Variants in FCHO2 observed in about 807,000 individuals in gnomAD.
FCHO2 encodes FCH and mu domain containing endocytic adaptor 2, also known as F-BAR domain only protein 2.
Under a neutral mutation model 114.1 loss-of-function variants are expected in FCHO2, and 43 were observed. The observed-to-expected ratio is 0.38, with a 90% CI of 0.30 to 0.49. FCHO2 has a LOEUF of 0.49. Among genes scored for constraint, FCHO2 ranks in the 20% least tolerant of loss-of-function variants. The pLI is 0.97. For synonymous variants in FCHO2, 293 were observed against 315.2 expected (o/e 0.93, Z 0.75); for missense variants, 807 against 950.4 (o/e 0.85, Z 1.98).
chr5:72,972,497 CTGTT>C (rs997523439), intron 2 of FCHO2, among the ~76,000 whole-genome samples: 221 of 152,242 alleles, frequency 1.5e-3, no homozygotes, highest in African/African-American at 5.0e-3. Context: ...ATTTGGCTCT[CTGTT>C]TGTCTGTTGT....
intron 2 of FCHO2, among the ~76,000 whole-genome samples, chr5:72,971,390 A>G (rs1407199147): frequency 1.3e-5 from 2 of 152,106 alleles, no homozygotes; most frequent in African/African-American, 2.4e-5. Context: ...AATGATTGCC[A>G]TTCTAACTGG....
chr5:73,019,203 G>C (rs1755475263), intron 8 of FCHO2, among the ~76,000 whole-genome samples: 1 of 152,164 alleles, frequency 6.6e-6, no homozygotes, highest in Non-Finnish European at 1.5e-5. Flanking sequence ...CATGTATTAG[G>C]AGCTGACTAT....
intron 5 of FCHO2, among the ~76,000 whole-genome samples, chr5:72,992,390 C>T (rs562544655): frequency 9.9e-5 from 15 of 152,126 alleles, no homozygotes; most frequent in Non-Finnish European, 2.2e-4. Context: ...AACGAAATAA[C>T]AGGGTCCAAA....
chr5:72,983,547 C>CTT lies in FCHO2; in HGVS notation c.126-5859_126-5858dup, dbSNP rs35592345. Among the ~76,000 whole-genome samples, 111 of 112,862 alleles carry CTT rather than the reference C, an allele frequency of 9.8e-4. 1 individual carries two copies. Among genetic ancestry groups the CTT allele is most frequent in the Non-Finnish European group, 1.4e-3 (77 of 54,034 alleles). The allele number at this position is 112,862 out of a possible 152,430, so 74.0% of individuals were successfully genotyped here. On this transcript the variant is annotated intron_variant, in intron 2 of 25. Transcript: ENST00000430046. The stretch of plus-strand genomic sequence containing the variant: ...CCCAGTGTCTTTCAAAGTGACAATA[C>CTT]TTTTTTTTTTTTTTTTTTTTTTGGA...
chr5:73,045,123 T>G (rs1374656440), intron 11 of FCHO2, among the ~76,000 whole-genome samples: 4 of 152,232 alleles, frequency 2.6e-5, no homozygotes, highest in Non-Finnish European at 5.9e-5. Context: ...TGTTACCCCT[T>G]CTTCCTGACA....
chr5:73,054,379 CTA>C lies in FCHO2; in HGVS notation c.1186-142_1186-141del, dbSNP rs1322564827. Reference sequence around the variant, plus strand: ...TAAAACAAAAACTACTGTTTTTTCTCTATATCTTTTATGTAAATACACTTTAC... The same window carrying C: ...TAAAACAAAAACTACTGTTTTTTCTCTATCTTTTATGTAAATACACTTTAC... On this transcript the variant is annotated intron_variant, in intron 14 of 25. Transcript: ENST00000430046. 1.4e-5 allele frequency: 12 copies of C among 848,210 alleles called. No homozygotes were observed. The African/African-American group carries it at 1.7e-4, about 12-fold the overall frequency. 52.5% of individuals were successfully genotyped at this position (848,210 alleles called of 1,614,324 possible). A position where few individuals can be genotyped will look rare whatever the true frequency, so the allele number is the denominator to read the frequency against.
At chr5:72,980,534 T>G (rs1753146811) in intron 2 of FCHO2, among the ~76,000 whole-genome samples, 1 of 152,194 alleles carries the variant, frequency 6.6e-6, no homozygotes, top group Non-Finnish European at 1.5e-5. Context: ...CTGTCTAATA[T>G]TGACAGCGGG....
intron 5 of FCHO2, among the ~76,000 whole-genome samples, chr5:73,002,280 C>T (rs1470182083): frequency 1.3e-5 from 2 of 152,156 alleles, no homozygotes; most frequent in East Asian, 3.8e-4. Flanking sequence ...ATTCTAGAGA[C>T]TACGTGAGTA....
chr5:72,973,039 C>G (rs1343825629), intron 2 of FCHO2, among the ~76,000 whole-genome samples: 1 of 152,096 alleles, frequency 6.6e-6, no homozygotes, highest in African/African-American at 2.4e-5. Flanking sequence ...GCCTTGCATC[C>G]CAGGGATGAA....
At chr5:72,987,984 G>T (rs541710830) in intron 2 of FCHO2, among the ~76,000 whole-genome samples, 62 of 152,272 alleles carry the variant, frequency 4.1e-4, no homozygotes, top group African/African-American at 1.5e-3. Context: ...CAGTGCAAGA[G>T]TAGTGTGAAG....
chr5:73,032,153 C>T (rs1489467655), intron 8 of FCHO2, among the ~76,000 whole-genome samples: 3 of 152,152 alleles, frequency 2.0e-5, no homozygotes, highest in Non-Finnish European at 4.4e-5. Context: ...GAGCCAGGCA[C>T]GCAAAGCCTT....
At chr5:73,010,044 G>T (rs1463443458) in intron 6 of FCHO2, among the ~76,000 whole-genome samples, 1 of 152,138 alleles carries the variant, frequency 6.6e-6, no homozygotes, top group Non-Finnish European at 1.5e-5. Flanking sequence ...ATAGAGAATA[G>T]ACTTTAATTT....
In FCHO2 at chr5:73,012,334, T is replaced by G. The variant is rs142786490; in HGVS notation, c.601-3292T>G. ...TCATGACTATACTTTTAAAAATTAA[T>G]GTAACAGGCTGGGTTTGGTGGCTCA... On this transcript the variant is annotated intron_variant, in intron 6 of 25. Coordinates refer to ENST00000430046, the MANE Select transcript of FCHO2 (RefSeq NM_138782.3). Among the ~76,000 whole-genome samples, 1,244 of 152,162 alleles carry G rather than the reference T, an allele frequency of 8.2e-3. 17 individuals are homozygous for G. The highest frequency in any genetic ancestry group is 0.029 in the African/African-American group (1,190 of 41,506).
intron 18 of FCHO2, among the ~76,000 whole-genome samples, chr5:73,068,040 A>G (rs768480466): frequency 6.6e-6 from 1 of 152,066 alleles, no homozygotes; most frequent in African/African-American, 2.4e-5. Flanking sequence ...ATTACTGAGG[A>G]AAATGTGAAC....
intron 5 of FCHO2, among the ~76,000 whole-genome samples, chr5:72,991,775 G>T (rs1336096969): frequency 6.6e-6 from 1 of 152,070 alleles, no homozygotes; most frequent in Admixed American, 6.6e-5. Flanking sequence ...AAACCAAATT[G>T]TACCAATTGT....
intron 9 of FCHO2, among the ~76,000 whole-genome samples, chr5:73,036,466 T>G (rs1178957588): frequency 6.6e-6 from 1 of 152,078 alleles, no homozygotes; most frequent in Non-Finnish European, 1.5e-5. Flanking sequence ...CTCCATCTCC[T>G]GGACTCAAGC....
chr5:73,082,938 A>G (rs1743169155), intron 24 of FCHO2, 113 bp downstream of exon 24: 2 of 843,646 alleles, frequency 2.4e-6, no homozygotes, highest in South Asian at 1.9e-5. Flanking sequence ...CAGTAACACA[A>G]TCTCAGCTCA....
Position 73,054,560 on chromosome 5 carries a change from C to G in FCHO2, c.1210+11C>G. The G allele has an allele frequency of 1.3e-6, 2 of 1,531,294 alleles. No individual in the cohort carries two copies. The highest frequency in any genetic ancestry group is 1.8e-6 in the Non-Finnish European group (2 of 1,134,780). 94.9% of individuals were successfully genotyped at this position (1,531,294 alleles called of 1,614,324 possible). A position where few individuals can be genotyped will look rare whatever the true frequency, so the allele number is the denominator to read the frequency against. On this transcript the variant is annotated intron_variant, in intron 15 of 25. Transcript: ENST00000430046. ...ATCGGAATTTGTCTAGTAAGTTTGA[C>G]ATTTGAATTGTTTATTTTATGTCTA...
chr5:73,078,100 C>T, intron 21 of FCHO2, 80 bp from the exon 22 acceptor site: 4 of 1,129,452 alleles, frequency 3.5e-6, no homozygotes, highest in Non-Finnish European at 4.7e-6. Flanking sequence ...CTAGTTTTTC[C>T]TGTGTCACCA....
Sources: allele counts gnomAD v4.1 joint callset (sites outside exome capture counted in the v4.1 genomes callset), GRCh38; gene constraint gnomAD v4.1.1; transcripts MANE v1.5; gene names NCBI Gene and HGNC (gene_info 2026-07-23, HGNC 2026-07-21).